The following CEACAM1 variants were observed in gnomAD, a reference collection of about 807,000 sequenced individuals.
CEACAM1 encodes cell adhesion molecule CEACAM1.
Under a neutral mutation model 49.1 loss-of-function variants are expected in CEACAM1, and 31 were observed. The observed-to-expected ratio is 0.63, with a 90% CI of 0.47 to 0.85. The LOEUF is 0.85. Ranked by LOEUF, CEACAM1 falls within the 40% of genes least tolerant of loss-of-function variation. The pLI, the probability that CEACAM1 is intolerant of heterozygous loss-of-function variation, is 0.00. For missense variants in CEACAM1, 570 were observed against 645.3 expected (o/e 0.88, Z 1.26); for synonymous variants, 244 against 247.8 (o/e 0.98, Z 0.14).
Position 42,509,115 on chromosome 19 carries a change from CT to C in CEACAM1, c.1574del (p.Lys525SerfsTer23), listed in dbSNP as rs781044252. On this transcript the variant is annotated frameshift_variant, in exon 9 of 9. Coordinates refer to ENST00000161559, the MANE Select transcript of CEACAM1 (RefSeq NM_001712.5). LOFTEE classifies it high-confidence loss of function. ...ATEIIYSEVK[K>X]Q ...GTGAGCAGGACAGGTTTCATTACTG[CT>C]TTTTTACTTCTGAATAAATTATTTC... 107 of 1,613,992 alleles carry C rather than the reference CT, an allele frequency of 6.6e-5. No homozygotes were observed. The highest frequency in any genetic ancestry group is 2.3e-4 in the Admixed American group (14 of 59,990).
intron 5 of CEACAM1, among the ~76,000 whole-genome samples, chr19:42,517,667 A>G (rs887079060): frequency 6.6e-6 from 1 of 152,224 alleles, no homozygotes; most frequent in African/African-American, 2.4e-5. Flanking sequence ...AAAACAAAAC[A>G]AAACCAGAAA....
At chr19:42,512,305 C>CAGT (rs2041477625) in intron 6 of CEACAM1, 45 bp downstream of exon 6, 1 of 1,609,150 alleles carries the variant, frequency 6.2e-7, no homozygotes, top group East Asian at 2.2e-5. Flanking sequence ...CCAAGCATGG[C>CAGT]AGTCAGCCTT....
At position 42,519,134 on chromosome 19, in the gene CEACAM1, C is replaced by A. The variant is rs760599446; in HGVS notation, c.1060G>T (p.Gly354Ter). The change falls in exon 5 of 9, where the codon GGA becomes TGA. Residue 354 changes from glycine (G) to a stop codon, truncating the protein, a stop_gained. Coordinates refer to ENST00000161559, the MANE Select transcript of CEACAM1 (RefSeq NM_001712.5). LOFTEE classifies it high-confidence loss of function. ...TTGAAGAACCAACGGATGGAGATTC[C>A]AGTGTCATTTGTGGAGCAGGTCAGG... Reference protein sequence around the residue: ...VNLTCSTNDTGISIRWFFKNQ... With the variant: ...VNLTCSTNDT The A allele has an allele frequency of 6.2e-7, 1 of 1,614,162 alleles. No homozygotes were observed. The highest frequency in any genetic ancestry group is 2.2e-5 in the East Asian group (1 of 44,878).
intron 5 of CEACAM1, among the ~76,000 whole-genome samples, chr19:42,513,565 C>G (rs2041515370): frequency 6.6e-6 from 1 of 151,940 alleles, no homozygotes; most frequent in Non-Finnish European, 1.5e-5. Flanking sequence ...CTACTGCACT[C>G]AAGCCTGGGC....
intron 5 of CEACAM1, chr19:42,518,496 C>CT (rs71167399): frequency 0.086 from 11,744 of 136,212 alleles, 730 homozygotes; most frequent in Non-Finnish European, 0.13. Context: ...AGCCTGAGCT[C>CT]TTTTTTTTTT....
chr19:42,518,266 T>C (rs1428625555), intron 5 of CEACAM1, among the ~76,000 whole-genome samples: 1 of 151,918 alleles, frequency 6.6e-6, no homozygotes, highest in Non-Finnish European at 1.5e-5. Flanking sequence ...ACTTAAAAAC[T>C]TAGCCAGGCA....
At chr19:42,511,720 TAG>T in intron 6 of CEACAM1, 92 bp from the exon 7 acceptor site, 1 of 1,222,802 alleles carries the variant, frequency 8.2e-7, no homozygotes, top group Non-Finnish European at 1.2e-6. Flanking sequence ...GGTAATTCCT[TAG>T]AGTCCTTGAT....
chr19:42,518,392 T>C lies in CEACAM1; in HGVS notation c.1246+556A>G, dbSNP rs41391246. The C allele has an allele frequency of 3.8e-3, 595 of 157,090 alleles. 4 individuals are homozygous for C. Among genetic ancestry groups the C allele is most frequent in the African/African-American group, 9.4e-3 (389 of 41,402 alleles). 9.7% of individuals were successfully genotyped at this position (157,090 alleles called of 1,614,324 possible). A position where few individuals can be genotyped will look rare whatever the true frequency, so the allele number is the denominator to read the frequency against. ...TCACACCACAGCACTCCAGCCTGGG[T>C]GACAGAGTGAGACCCTGTCTCAAAA... is the stretch of plus-strand genomic sequence containing the variant. On this transcript the variant is annotated intron_variant, in intron 5 of 8. Coordinates refer to ENST00000161559, the MANE Select transcript of CEACAM1 (RefSeq NM_001712.5).
At chr19:42,527,547 G>C (rs867898563) in intron 1 of CEACAM1, 147 bp from the exon 2 acceptor site, 4 of 948,482 alleles carry the variant, frequency 4.2e-6, no homozygotes, top group Non-Finnish European at 3.0e-6. Context: ...GTGTGTGTGT[G>C]TCCTACTGGG....
At chr19:42,510,702 G>A (rs1481605258) in intron 8 of CEACAM1, among the ~76,000 whole-genome samples, 187 bp downstream of exon 8, 1 of 152,222 alleles carries the variant, frequency 6.6e-6, no homozygotes, top group African/African-American at 2.4e-5. Flanking sequence ...CACAGGATGG[G>A]AATAATTCCA....
Position 42,511,154 on chromosome 19 carries a change from T to A in CEACAM1, c.1430-234A>T, listed in dbSNP as rs145803591. ...AAGAGTTCTACCAGTTCACAAGGCC[T>A]TGATTTTTGCCCAGATGTGTTTCTC... On this transcript the variant is annotated intron_variant, in intron 7 of 8. Coordinates refer to ENST00000161559, the MANE Select transcript of CEACAM1 (RefSeq NM_001712.5). The A allele has an allele frequency of 7.3e-4, 429 of 588,354 alleles. 1 individual carries two copies. The highest frequency in any genetic ancestry group is 1.8e-3 in the Middle Eastern group (4 of 2,248). 36.4% of individuals were successfully genotyped at this position (588,354 alleles called of 1,614,324 possible).
Position 42,518,712 on chromosome 19 carries a change from G to A in CEACAM1, c.1246+236C>T. 5.8e-6 allele frequency: 3 copies of A among 521,556 alleles called. No homozygotes were observed. In the South Asian group the frequency reaches 6.2e-5, roughly 11 times the overall value. The allele number at this position is 521,556 out of a possible 1,614,324, so 32.3% of individuals were successfully genotyped here. ...ACACGGGGTTTCACCATATTAGCCA[G>A]GATGGTCTCGATCTCCTGCCCTCGT... is the stretch of plus-strand genomic sequence containing the variant. On this transcript the variant is annotated intron_variant, in intron 5 of 8. Coordinates refer to ENST00000161559, the MANE Select transcript of CEACAM1 (RefSeq NM_001712.5).
chr19:42,519,477 C>A, intron 4 of CEACAM1: 1 of 514,772 alleles, frequency 1.9e-6, no homozygotes, highest in Non-Finnish European at 3.5e-6. Flanking sequence ...CTCAGAGTGA[C>A]CCTCTGGATA....
intron 7 of CEACAM1, chr19:42,511,171 G>A: frequency 1.7e-6 from 1 of 585,468 alleles, no homozygotes; most frequent in South Asian, 2.1e-5. Flanking sequence ...TTGCCCAGAT[G>A]TGTTTCTCAG....
chr19:42,514,986 TG>T, intron 5 of CEACAM1: 1 of 657,200 alleles, frequency 1.5e-6, no homozygotes, highest in Non-Finnish European at 2.7e-6. Flanking sequence ...AATAACACTA[TG>T]GGGCCAGGCG....
chr19:42,518,073 A>G lies in CEACAM1; in HGVS notation c.1246+875T>C, dbSNP rs556047500. ...TGAAGACATTGTGCTAAATGAAGTA[A>G]GCCAGACACAAAAGGACAAATATTG... is the stretch of plus-strand genomic sequence containing the variant. On this transcript the variant is annotated intron_variant, in intron 5 of 8. Coordinates refer to ENST00000161559, the MANE Select transcript of CEACAM1 (RefSeq NM_001712.5). Among the ~76,000 whole-genome samples, 13 of 152,324 alleles carry G rather than the reference A, an allele frequency of 8.5e-5. No homozygotes were observed. In the East Asian group the frequency reaches 2.5e-3, roughly 29 times the overall value.
chr19:42,514,199 T>A (rs1289272556), intron 5 of CEACAM1, among the ~76,000 whole-genome samples: 1 of 150,834 alleles, frequency 6.6e-6, no homozygotes. Flanking sequence ...TGGCGTGATC[T>A]CGGCTCACTG....
chr19:42,519,278 G>A (rs2041680498), intron 4 of CEACAM1, 43 bp from the exon 5 acceptor site: 1 of 1,599,496 alleles, frequency 6.3e-7, no homozygotes, highest in South Asian at 1.1e-5. Flanking sequence ...CTGAGAATAG[G>A]GTTGGGGCCT....
chr19:42,521,986 T>TCATAGGGTCCTGTGTCATTCCTTGTGA lies in CEACAM1; in HGVS notation c.614_640dup (p.Val205_Tyr213dup), dbSNP rs2041761753. 2 of 1,614,104 alleles carry TCATAGGGTCCTGTGTCATTCCTTGTGA rather than the reference T, an allele frequency of 1.2e-6. No individual in the cohort carries two copies. Among genetic ancestry groups the TCATAGGGTCCTGTGTCATTCCTTGTGA allele is most frequent in the Non-Finnish European group, 1.7e-6 (2 of 1,180,048 alleles). On this transcript the variant is annotated inframe_insertion, in exon 3 of 9. Coordinates refer to ENST00000161559, the MANE Select transcript of CEACAM1 (RefSeq NM_001712.5). The stretch of plus-strand genomic sequence containing the variant: ...ACTCACTGGGTTCTGTATTTCACAC[T>TCATAGGGTCCTGTGTCATTCCTTGTGA]CATAGGGTCCTGTGTCATTCCTTGT...
Sources: gnomAD v4.1 joint callset for allele counts (sites outside exome capture counted in the v4.1 genomes callset) on GRCh38, gnomAD v4.1.1 for gene constraint, MANE v1.5 for transcripts, NCBI Gene and HGNC (gene_info 2026-07-23, HGNC 2026-07-21) for gene names.